LINGO2: variants seen among roughly 807,000 people sequenced by gnomAD.
LINGO2 encodes the protein leucine-rich repeat and immunoglobulin-like domain-containing nogo receptor-interacting protein 2.
Under a neutral mutation model 30.6 loss-of-function variants are expected in LINGO2, and 14 were observed. That is an observed-to-expected ratio of 0.46 (90% CI 0.30 to 0.72). The LOEUF (loss-of-function observed/expected upper bound fraction) is 0.72. Among genes scored for constraint, LINGO2 ranks in the 30% least tolerant of loss-of-function variants. The pLI is 0.07. For synonymous variants in LINGO2, 317 were observed against 288.5 expected, an observed-to-expected ratio of 1.10 and a Z score of -1.00; for missense variants, 729 against 751.7, an observed-to-expected ratio of 0.97 and a Z score of 0.35.
At chr9:28,286,250 T>A (rs112271014) in intron 4 of LINGO2, among the ~76,000 whole-genome samples, 16 of 152,184 alleles carry the variant, frequency 1.1e-4, no homozygotes, top group African/African-American at 2.7e-4. Flanking sequence ...TGCTTCCTAC[T>A]GCTAAAAATA....
chr9:28,276,310 A>G (rs1823112597), intron 4 of LINGO2, among the ~76,000 whole-genome samples: 1 of 152,154 alleles, frequency 6.6e-6, no homozygotes, highest in African/African-American at 2.4e-5. Flanking sequence ...CATATGGACC[A>G]CACATATTTT....
intron 2 of LINGO2, among the ~76,000 whole-genome samples, chr9:28,378,892 T>C (rs1296378895): frequency 1.3e-5 from 2 of 152,080 alleles, no homozygotes; most frequent in Non-Finnish European, 2.9e-5. Context: ...AAGTCAATTT[T>C]TGCCCAAGAC....
chr9:28,598,387 A>G (rs1825293099), intron 1 of LINGO2, among the ~76,000 whole-genome samples: 1 of 146,910 alleles, frequency 6.8e-6, no homozygotes, highest in South Asian at 2.2e-4. Context: ...GAGTGTATTC[A>G]CTTTGGTAAA....
intron 1 of LINGO2, among the ~76,000 whole-genome samples, chr9:28,585,428 TA>T (rs1824481889): frequency 6.6e-6 from 1 of 152,038 alleles, no homozygotes; most frequent in African/African-American, 2.4e-5. Context: ...AGACAGTCCC[TA>T]ACTTAAAATG....
chr9:28,037,547 C>T (rs1823996371), intron 4 of LINGO2, among the ~76,000 whole-genome samples: 1 of 152,118 alleles, frequency 6.6e-6, no homozygotes, highest in South Asian at 2.1e-4. Context: ...CTCTTATAGG[C>T]TTTTTTATTC....
At chr9:27,956,729 G>A (rs1057129593) in intron 5 of LINGO2, among the ~76,000 whole-genome samples, 1 of 152,128 alleles carries the variant, frequency 6.6e-6, no homozygotes, top group Non-Finnish European at 1.5e-5. Context: ...TGTGTGGTAT[G>A]AAGTAGGGAA....
the LINGO2 span, among the ~76,000 whole-genome samples, chr9:28,738,260 G>A: frequency 1.3e-5 from 2 of 151,950 alleles, no homozygotes; most frequent in Non-Finnish European, 2.9e-5. Flanking sequence ...CCCTGCCTCA[G>A]GTACTTCAAA....
chr9:29,128,058 G>A, the LINGO2 span, among the ~76,000 whole-genome samples: 1 of 152,090 alleles, frequency 6.6e-6, no homozygotes, highest in South Asian at 2.1e-4. Context: ...GGAAAGCATG[G>A]CTTTATCAAA....
At chr9:28,359,465 T>TA (rs1820358810) in intron 3 of LINGO2, among the ~76,000 whole-genome samples, 1 of 152,004 alleles carries the variant, frequency 6.6e-6, no homozygotes, top group Admixed American at 6.6e-5. Flanking sequence ...ACCACACACA[T>TA]ACCTGCCCTA....
intron 4 of LINGO2, among the ~76,000 whole-genome samples, chr9:28,263,839 G>C (rs767927375): frequency 6.6e-6 from 1 of 151,928 alleles, no homozygotes; most frequent in Non-Finnish European, 1.5e-5. Context: ...GGTTAAAAAG[G>C]AGTAATTCAA....
chr9:28,768,344 T>C, the LINGO2 span, among the ~76,000 whole-genome samples: 1 of 152,208 alleles, frequency 6.6e-6, no homozygotes, highest in Non-Finnish European at 1.5e-5. Context: ...GTTCTATTTT[T>C]GAGCAGTAGG....
chr9:27,984,518 C>G (rs1930007), intron 5 of LINGO2, among the ~76,000 whole-genome samples: 1 of 151,824 alleles, frequency 6.6e-6, no homozygotes, highest in Non-Finnish European at 1.5e-5. Context: ...TCCTGTCATT[C>G]ATAAGCCTGA....
chr9:28,052,460 T>C (rs1347344311), intron 4 of LINGO2, among the ~76,000 whole-genome samples: 1 of 152,088 alleles, frequency 6.6e-6, no homozygotes, highest in African/African-American at 2.4e-5. Context: ...CTGGGACTTC[T>C]GGTTTTCACT....
chr9:28,505,592 A>G (rs894006284), intron 1 of LINGO2, among the ~76,000 whole-genome samples: 19 of 152,088 alleles, frequency 1.2e-4, no homozygotes, highest in African/African-American at 4.1e-4. Context: ...TAAATCATAA[A>G]TGGATATTAA....
At chr9:28,273,232 C>T (rs1293610396) in intron 4 of LINGO2, among the ~76,000 whole-genome samples, 1 of 152,138 alleles carries the variant, frequency 6.6e-6, no homozygotes, top group Non-Finnish European at 1.5e-5. Context: ...TTATTTTATA[C>T]CCAAGAGTTA....
chr9:28,472,262 G>A (rs1352000362), intron 2 of LINGO2, among the ~76,000 whole-genome samples: 1 of 151,414 alleles, frequency 6.6e-6, no homozygotes, highest in Non-Finnish European at 1.5e-5. Context: ...GAAAACAGAA[G>A]AGACTAAAGT....
intron 1 of LINGO2, among the ~76,000 whole-genome samples, chr9:28,619,724 C>T (rs1286812090): frequency 6.6e-6 from 1 of 152,040 alleles, no homozygotes; most frequent in Non-Finnish European, 1.5e-5. Flanking sequence ...AGGTTTTCTT[C>T]TCATATACTC....
chr9:28,806,216 T>C, the LINGO2 span, among the ~76,000 whole-genome samples: 1 of 152,162 alleles, frequency 6.6e-6, no homozygotes. Context: ...TTCTGATTAG[T>C]TAAGTGATTT....
rs1822521963 is a variant in LINGO2, at chr9:28,010,904, G to T, written c.-36+1451C>A. On this transcript the variant is annotated intron_variant, in intron 5 of 5. Coordinates refer to ENST00000379992, the Ensembl canonical transcript of LINGO2. ...ACCCAAGAGTTCGAGGCTGCAGTGA[G>T]CCATGCTCAGGCCACTGCACTCCAG... is the stretch of plus-strand genomic sequence containing the variant. 2.6e-5 allele frequency among the ~76,000 whole-genome samples: 4 copies of T among 152,204 alleles called. No homozygotes were observed. The South Asian group carries it at 6.2e-4, about 24-fold the overall frequency.
Sources: gnomAD v4.1 joint callset for allele counts (sites outside exome capture counted in the v4.1 genomes callset) on GRCh38, gnomAD v4.1.1 for gene constraint, MANE v1.5 for transcripts, NCBI Gene and HGNC (gene_info 2026-07-23, HGNC 2026-07-21) for gene names.